IPO5: variants seen among roughly 807,000 people sequenced by gnomAD.
The protein encoded by IPO5 is importin-5.
Under a neutral mutation model 143.3 loss-of-function variants are expected in IPO5, and 18 were observed. The observed-to-expected ratio is 0.13, with a 90% CI of 0.09 to 0.19. The LOEUF is 0.19. Among genes scored for constraint, IPO5 ranks in the 10% least tolerant of loss-of-function variants. The probability of loss-of-function intolerance (pLI) is 1.00; values close to 1 mark genes in which losing one functional copy is unlikely to be tolerated. For missense variants in IPO5, 1,013 were observed against 1,336.9 expected, an observed-to-expected ratio of 0.76 and a Z score of 3.78; for synonymous variants, 477 against 465.7, an observed-to-expected ratio of 1.02 and a Z score of -0.31.
At chr13:98,007,769 G>A (rs181087660) in intron 17 of IPO5, among the ~76,000 whole-genome samples, 1 of 152,294 alleles carries the variant, frequency 6.6e-6, no homozygotes, top group East Asian at 1.9e-4. Context: ...TTTTCTTTCT[G>A]AATTTGAATT....
intron 20 of IPO5, among the ~76,000 whole-genome samples, chr13:98,012,003 T>C (rs1279196395): frequency 3.9e-5 from 6 of 152,134 alleles, no homozygotes; most frequent in Admixed American, 3.9e-4. Flanking sequence ...AGGGACAATA[T>C]ATACGACAAT....
At chr13:97,995,019 A>T (rs1220707794) in intron 11 of IPO5, among the ~76,000 whole-genome samples, 2 of 151,636 alleles carry the variant, frequency 1.3e-5, no homozygotes, top group Non-Finnish European at 2.9e-5. Context: ...CCAGCTACTC[A>T]GGAGGCTGAG....
At chr13:98,015,885 A>G in intron 24 of IPO5, 104 bp downstream of exon 24, 1 of 731,078 alleles carries the variant, frequency 1.4e-6, no homozygotes, top group Non-Finnish European at 2.3e-6. Context: ...TGATGTAATT[A>G]TCAGTCTTTA....
intron 25 of IPO5, among the ~76,000 whole-genome samples, chr13:98,017,808 GT>G (rs989361612): frequency 6.6e-6 from 1 of 151,416 alleles, no homozygotes; most frequent in Non-Finnish European, 1.5e-5. Context: ...TGTTTGTTTT[GT>G]TTTTTTGTAT....
intron 2 of IPO5, 117 bp from the exon 3 acceptor site, chr13:97,969,606 A>C (rs1760961574): frequency 1.6e-6 from 1 of 623,384 alleles, no homozygotes; most frequent in Non-Finnish European, 2.9e-6. Context: ...ACTCTTAACC[A>C]GTCTTTGATT....
At chr13:98,005,903 A>G (rs1310667624) in intron 16 of IPO5, among the ~76,000 whole-genome samples, 1 of 152,110 alleles carries the variant, frequency 6.6e-6, no homozygotes, top group Admixed American at 6.5e-5. Flanking sequence ...CATGAGTTAG[A>G]GGTGTTGTGT....
At chr13:98,008,493 T>A (rs1389049725) in intron 18 of IPO5, among the ~76,000 whole-genome samples, 1 of 152,128 alleles carries the variant, frequency 6.6e-6, no homozygotes, top group African/African-American at 2.4e-5. Flanking sequence ...TTATCCAACA[T>A]GTAATAGACA....
chr13:98,016,127 G>A (rs1411051159), intron 24 of IPO5, among the ~76,000 whole-genome samples: 1 of 152,130 alleles, frequency 6.6e-6, no homozygotes, highest in African/African-American at 2.4e-5. Flanking sequence ...TGATTGCCTA[G>A]AGTCACACTG....
At chr13:98,008,007 C>T in intron 17 of IPO5, 52 bp from the exon 18 acceptor site, 1 of 1,187,342 alleles carries the variant, frequency 8.4e-7, no homozygotes, top group Non-Finnish European at 1.2e-6. Context: ...GCTAATTACA[C>T]AAGAAACAAA....
Position 97,964,185 on chromosome 13 carries a change from C to T in IPO5, c.-112-5538C>T, listed in dbSNP as rs1046275499. 2.6e-5 allele frequency among the ~76,000 whole-genome samples: 4 copies of T among 152,096 alleles called. No homozygotes were observed. In the East Asian group the frequency reaches 7.7e-4, roughly 29 times the overall value. ...GACAGTTTCTTTTGCTGTGCAGAAG[C>T]TCTTTAGTTTAATTAGATCCTATTT... On this transcript the variant is annotated intron_variant, in intron 2 of 28. Transcript: ENST00000651721.
intron 11 of IPO5, among the ~76,000 whole-genome samples, chr13:97,995,375 G>C (rs1000287446): frequency 3.3e-5 from 5 of 151,184 alleles, no homozygotes; most frequent in Admixed American, 3.3e-4. Flanking sequence ...TTACACCTTT[G>C]CATCCTCATA....
At chr13:97,993,849 A>C (rs1888002853) in intron 11 of IPO5, among the ~76,000 whole-genome samples, 2 of 152,234 alleles carry the variant, frequency 1.3e-5, no homozygotes, top group Admixed American at 1.3e-4. Context: ...CACCAGATTT[A>C]TTTTGTAGTG....
chr13:98,017,005 T>C (rs557201478), intron 25 of IPO5, among the ~76,000 whole-genome samples, 154 bp downstream of exon 25: 7 of 152,334 alleles, frequency 4.6e-5, no homozygotes, highest in Non-Finnish European at 8.8e-5. Flanking sequence ...TGCATTACCC[T>C]GGATATTTTC....
intron 4 of IPO5, among the ~76,000 whole-genome samples, chr13:97,977,232 G>A (rs563415385): frequency 3.3e-4 from 51 of 152,260 alleles, no homozygotes; most frequent in African/African-American, 1.2e-3. Context: ...TACCTGACCC[G>A]TCACGCCTGC....
At chr13:98,003,392 T>C (rs1888959072) in intron 16 of IPO5, among the ~76,000 whole-genome samples, 1 of 152,128 alleles carries the variant, frequency 6.6e-6, no homozygotes, top group South Asian at 2.1e-4. Flanking sequence ...AAAAAATTAG[T>C]GTGGTAGCAT....
chr13:98,019,570 G>T lies in IPO5; in HGVS notation c.2837-11G>T. On this transcript the variant is annotated splice_polypyrimidine_tract_variant and intron_variant, in intron 26 of 28. Transcript: ENST00000651721. ...GGTTTTAGCTGAACTTCTTTCAAAT[G>T]CTTATTTTAGAAGCACTTCCCCTGC... 6.3e-7 allele frequency: 1 copy of T among 1,590,796 alleles called. No individual in the cohort carries two copies. The highest frequency in any genetic ancestry group is 8.6e-7 in the Non-Finnish European group (1 of 1,160,456).
At chr13:97,959,492 G>A (rs752316690) in intron 2 of IPO5, among the ~76,000 whole-genome samples, 1 of 152,062 alleles carries the variant, frequency 6.6e-6, no homozygotes, top group Non-Finnish European at 1.5e-5. Flanking sequence ...CACTTTGGGA[G>A]GCCGAGGCGG....
intron 2 of IPO5, among the ~76,000 whole-genome samples, chr13:97,958,555 G>A (rs1884627045): frequency 6.6e-6 from 1 of 151,666 alleles, no homozygotes. Context: ...ATCTCATTTT[G>A]TGTTTAGTTT....
At chr13:97,986,469 C>T (rs185697493) in intron 6 of IPO5, among the ~76,000 whole-genome samples, 4 of 152,110 alleles carry the variant, frequency 2.6e-5, no homozygotes, top group African/African-American at 4.8e-5. Flanking sequence ...GATTTTCCTG[C>T]CTCAGCCTAC....
Sources: allele counts gnomAD v4.1 joint callset (sites outside exome capture counted in the v4.1 genomes callset), GRCh38; gene constraint gnomAD v4.1.1; transcripts MANE v1.5; gene names NCBI Gene and HGNC (gene_info 2026-07-23, HGNC 2026-07-21).